The following ADARB2 variants were observed in gnomAD, a reference collection of about 807,000 sequenced individuals.
ADARB2 encodes the protein adenosine deaminase RNA specific B2 (inactive).
A neutral mutation model predicts 62.2 loss-of-function variants in ADARB2; 25 were observed. That is an observed-to-expected ratio of 0.40 (90% CI 0.29 to 0.56). The LOEUF is 0.56. ADARB2 is among the 20% of genes least tolerant of loss of function. The probability of loss-of-function intolerance (pLI) is 0.43; values close to 1 mark genes in which losing one functional copy is unlikely to be tolerated. For synonymous variants in ADARB2, 572 were observed against 500.8 expected (o/e 1.14, Z -1.90); for missense variants, 1,071 against 1,077.4 (o/e 0.99, Z 0.08).
Position 1,178,874 on chromosome 10 carries a change from G to A in ADARB2, c.*4319C>T, listed in dbSNP as rs1836625034. 6.6e-6 allele frequency: 1 copy of A among 152,198 alleles called. No individual in the cohort carries two copies. Among genetic ancestry groups the A allele is most frequent in the African/African-American group, 2.4e-5 (1 of 41,448 alleles). The allele number at this position is 152,198 out of a possible 1,614,324, so 9.4% of individuals were successfully genotyped here. A position where few individuals can be genotyped will look rare whatever the true frequency, so the allele number is the denominator to read the frequency against. On this transcript the variant is annotated 3_prime_UTR_variant, in exon 10 of 10. Coordinates refer to ENST00000381312, the MANE Select transcript of ADARB2 (RefSeq NM_018702.4). ...CCGGGTTCTGTTGGGTGTTATGAGA[G>A]GCGGCTGCAGCGATCCAACGGTAGT... is the stretch of plus-strand genomic sequence containing the variant.
chr10:1,664,094 C>T (rs1355174949), intron 1 of ADARB2, among the ~76,000 whole-genome samples: 1 of 152,160 alleles, frequency 6.6e-6, no homozygotes, highest in Non-Finnish European at 1.5e-5. Context: ...GCCTGTGGGT[C>T]AGTGTGCGGG....
Position 1,449,650 on chromosome 10 carries a change from G to T in ADARB2, c.101-70490C>A, listed in dbSNP as rs538458454. ...TGAAATCTCATGCAAATCCCTGAGA[G>T]TCAGGACCTCATGGGAAGAAATTCA... On this transcript the variant is annotated intron_variant, in intron 1 of 9. Transcript: ENST00000381312. Among the ~76,000 whole-genome samples, 18 of 152,318 alleles carry T rather than the reference G, an allele frequency of 1.2e-4. No individual in the cohort carries two copies. In the South Asian group the frequency reaches 3.7e-3, roughly 32 times the overall value.
At chr10:1,549,298 C>T (rs1832576609) in intron 1 of ADARB2, among the ~76,000 whole-genome samples, 1 of 152,100 alleles carries the variant, frequency 6.6e-6, no homozygotes, top group African/African-American at 2.4e-5. Flanking sequence ...ACTCAGCAGG[C>T]AAACAAGTTT....
chr10:1,375,945 C>A (rs1413637602), intron 2 of ADARB2, among the ~76,000 whole-genome samples: 4 of 126,848 alleles, frequency 3.2e-5, no homozygotes, highest in Non-Finnish European at 7.0e-5. Flanking sequence ...CACAGACACA[C>A]ACCACACACA....
At chr10:1,687,498 G>A (rs1169002082) in intron 1 of ADARB2, among the ~76,000 whole-genome samples, 2 of 151,670 alleles carry the variant, frequency 1.3e-5, no homozygotes, top group African/African-American at 2.4e-5. Context: ...ATAAAGCTGC[G>A]ATCCAAAATT....
intron 1 of ADARB2, among the ~76,000 whole-genome samples, chr10:1,693,861 G>A (rs1270006706): frequency 6.6e-6 from 1 of 152,136 alleles, no homozygotes; most frequent in Non-Finnish European, 1.5e-5. Context: ...ATCAATTAGG[G>A]CATTGTATAG....
chr10:1,180,380 C>G lies in ADARB2; in HGVS notation c.*2813G>C, dbSNP rs921892710. ...GGCTGTGGGAATCCTGGGACTCGGC[C>G]CCCCCAAGCATAGCTGGGGCTGTGG... On this transcript the variant is annotated 3_prime_UTR_variant, in exon 10 of 10. Transcript: ENST00000381312. 5 of 151,344 alleles carry G rather than the reference C, an allele frequency of 3.3e-5. No individual in the cohort carries two copies. The highest frequency in any genetic ancestry group is 7.4e-5 in the Non-Finnish European group (5 of 67,754). The allele number at this position is 151,344 out of a possible 1,614,324, so 9.4% of individuals were successfully genotyped here.
At chr10:1,623,589 C>T (rs1443098573) in intron 1 of ADARB2, among the ~76,000 whole-genome samples, 2 of 152,252 alleles carry the variant, frequency 1.3e-5, no homozygotes, top group South Asian at 2.1e-4. Context: ...CATGGTCCAC[C>T]GTGAGCCGTA....
intron 1 of ADARB2, among the ~76,000 whole-genome samples, chr10:1,693,902 C>T (rs1190677882): frequency 2.0e-5 from 3 of 152,174 alleles, no homozygotes; most frequent in Non-Finnish European, 4.4e-5. Context: ...GCTGGTCATA[C>T]AGGAATCCTG....
intron 1 of ADARB2, among the ~76,000 whole-genome samples, chr10:1,413,150 C>A (rs2131880418): frequency 6.6e-6 from 1 of 152,294 alleles, no homozygotes; most frequent in Admixed American, 6.5e-5. Flanking sequence ...AGAATCCACC[C>A]AGGTGGCTGA....
Position 1,517,992 on chromosome 10 carries a change from C to A in ADARB2, c.101-138832G>T, listed in dbSNP as rs145146413. 6.2e-3 allele frequency among the ~76,000 whole-genome samples: 948 copies of A among 152,254 alleles called. 11 individuals are homozygous for A. Among genetic ancestry groups the A allele is most frequent in the African/African-American group, 0.021 (880 of 41,532 alleles). The stretch of plus-strand genomic sequence containing the variant: ...GAATGAAAGGGGGCAAAATTCACAT[C>A]CCTATCAGTCCCACATCACTCTGAA... On this transcript the variant is annotated intron_variant, in intron 1 of 9. Coordinates refer to ENST00000381312, the MANE Select transcript of ADARB2 (RefSeq NM_018702.4).
chr10:1,728,360 G>A (rs1319144989), intron 1 of ADARB2, among the ~76,000 whole-genome samples: 1 of 152,086 alleles, frequency 6.6e-6, no homozygotes, highest in Non-Finnish European at 1.5e-5. Context: ...TGCTCTCAGA[G>A]GTTTAGTGAA....
chr10:1,262,324 G>T lies in ADARB2; in HGVS notation c.1192+8631C>A, dbSNP rs1461936645. On this transcript the variant is annotated intron_variant, in intron 4 of 9. Coordinates refer to ENST00000381312, the MANE Select transcript of ADARB2 (RefSeq NM_018702.4). Reference sequence around the variant, plus strand: ...AATAATAATAATAATAATAATAAAAGAAACCACCATCAGAGTGAACAGGCA... The same window carrying T: ...AATAATAATAATAATAATAATAAAATAAACCACCATCAGAGTGAACAGGCA... 4.5e-5 allele frequency among the ~76,000 whole-genome samples: 4 copies of T among 88,312 alleles called. No individual in the cohort carries two copies. In the East Asian group the frequency reaches 1.6e-3, roughly 36 times the overall value. The allele number at this position is 88,312 out of a possible 152,430, so 57.9% of individuals were successfully genotyped here.
At chr10:1,563,435 G>T (rs1370792173) in intron 1 of ADARB2, among the ~76,000 whole-genome samples, 2 of 152,128 alleles carry the variant, frequency 1.3e-5, no homozygotes, top group South Asian at 4.1e-4. Flanking sequence ...CACATCAGAT[G>T]CTTGCTGCTG....
chr10:1,722,661 G>A (rs1204901083), intron 1 of ADARB2, among the ~76,000 whole-genome samples: 2 of 152,084 alleles, frequency 1.3e-5, no homozygotes, highest in South Asian at 2.1e-4. Flanking sequence ...CTTCTCTTGG[G>A]AAATAGAATG....
chr10:1,359,651 G>A (rs888578724), intron 3 of ADARB2, among the ~76,000 whole-genome samples: 2 of 152,198 alleles, frequency 1.3e-5, no homozygotes, highest in African/African-American at 4.8e-5. Flanking sequence ...CACTATTGCA[G>A]GTCTCCGAGG....
intron 3 of ADARB2, among the ~76,000 whole-genome samples, chr10:1,305,413 G>C (rs182175447): frequency 0.01 from 1,582 of 151,638 alleles, 25 homozygotes; most frequent in African/African-American, 0.036. Context: ...ATAATCAATA[G>C]TTTACCAACC....
intron 1 of ADARB2, among the ~76,000 whole-genome samples, chr10:1,590,592 C>A (rs1015723983): frequency 3.9e-5 from 6 of 152,182 alleles, no homozygotes; most frequent in South Asian, 2.1e-4. Flanking sequence ...AGACGAGAGG[C>A]TCTGCAATGC....
chr10:1,619,289 T>TAAAAAAAAAAAAAAAAAAAAAAA (rs59098282), intron 1 of ADARB2, among the ~76,000 whole-genome samples: 1 of 115,766 alleles, frequency 8.6e-6, no homozygotes, highest in Non-Finnish European at 1.9e-5. Context: ...ACATTGAAAG[T>TAAAAAAAAAAAAAAAAAAAAAAA]AAAAAAAAAA....
Sources: gnomAD v4.1 joint callset for allele counts (sites outside exome capture counted in the v4.1 genomes callset) on GRCh38, gnomAD v4.1.1 for gene constraint, MANE v1.5 for transcripts, NCBI Gene and HGNC (gene_info 2026-07-23, HGNC 2026-07-21) for gene names.